The following IFI16 variants were observed in gnomAD, a reference collection of about 807,000 sequenced individuals.
IFI16 encodes the protein interferon gamma inducible protein 16, also known as gamma-interferon-inducible protein 16.
IFI16 carries 49 observed loss-of-function variants against 68.4 expected under a neutral mutation model. The observed-to-expected ratio is 0.72, with a 90% CI of 0.57 to 0.91. The LOEUF is 0.91. IFI16 is among the 40% of genes least tolerant of loss of function. IFI16 has a pLI of 0.00. For synonymous variants in IFI16, 307 were observed against 315.0 expected (o/e 0.97, Z 0.27); for missense variants, 878 against 942.9 (o/e 0.93, Z 0.90).
intron 3 of IFI16, 52 bp from the exon 4 acceptor site, chr1:159,016,481 C>T (rs1652930469): frequency 6.7e-7 from 1 of 1,483,696 alleles, no homozygotes; most frequent in South Asian, 1.2e-5. Context: ...AAAATGTGCT[C>T]TACTTCATTT....
intron 7 of IFI16, among the ~76,000 whole-genome samples, chr1:159,033,868 CCTCT>C (rs1021777328): frequency 1.9e-4 from 29 of 152,082 alleles, no homozygotes; most frequent in African/African-American, 6.3e-4. Flanking sequence ...CTTTCATTCG[CCTCT>C]CTAACAGAGT....
At chr1:159,001,173 A>T (rs1260069329), upstream of IFI16, among the ~76,000 whole-genome samples, 6 of 152,248 alleles carry the variant, frequency 3.9e-5, no homozygotes. Context: ...TGTACAGCCC[A>T]TGTGAAAAAT....
intron 7 of IFI16, among the ~76,000 whole-genome samples, chr1:159,038,272 C>T (rs1172083378): frequency 6.6e-6 from 1 of 152,054 alleles, no homozygotes; most frequent in Admixed American, 6.6e-5. Flanking sequence ...AGGTGCATAA[C>T]GGGCCTATAG....
intron 7 of IFI16, among the ~76,000 whole-genome samples, chr1:159,042,008 A>C (rs574321303): frequency 1.3e-5 from 2 of 152,262 alleles, no homozygotes; most frequent in East Asian, 3.9e-4. Context: ...CAATGTGTCC[A>C]TTTCTGTAGC....
rs146667620 is a variant in IFI16, at chr1:159,015,118, C to T, written c.265+173C>T. Among the ~76,000 whole-genome samples, 347 of 152,246 alleles carry T rather than the reference C, an allele frequency of 2.3e-3. 2 individuals are homozygous for T. Among genetic ancestry groups the T allele is most frequent in the African/African-American group, 7.9e-3 (330 of 41,540 alleles). ...AACAAGTTGACAACTTAGTGCATTC[C>T]ATTACTGGTGTAGATTGAAGTATTT... On this transcript the variant is annotated intron_variant, in intron 2 of 11. Transcript: ENST00000295809.
chr1:159,014,579 G>C (rs1252287169), intron 1 of IFI16, 82 bp from the exon 2 acceptor site: 1 of 843,592 alleles, frequency 1.2e-6, no homozygotes, highest in East Asian at 2.6e-5. Context: ...TCTTTCATAT[G>C]GGCCACTCAC....
chr1:159,023,499 C>A (rs1317287002), intron 6 of IFI16, among the ~76,000 whole-genome samples: 1 of 152,150 alleles, frequency 6.6e-6, no homozygotes, highest in Non-Finnish European at 1.5e-5. Flanking sequence ...TTAAACTCTG[C>A]AGCTATTTGA....
chr1:159,014,642 A>G lies in IFI16; in HGVS notation c.-20-19A>G. Reference sequence around the variant, plus strand: ...TCTGTATACATGTGTAACACTGTATATACCATTTTCTCTTGTAGGCTCACT... The same window carrying G: ...TCTGTATACATGTGTAACACTGTATGTACCATTTTCTCTTGTAGGCTCACT... On this transcript the variant is annotated intron_variant, in intron 1 of 11. Transcript: ENST00000295809. 1.3e-6 allele frequency: 2 copies of G among 1,524,688 alleles called. No individual in the cohort carries two copies. The highest frequency in any genetic ancestry group is 2.5e-5 in the South Asian group (2 of 79,072). 94.4% of individuals were successfully genotyped at this position (1,524,688 alleles called of 1,614,324 possible).
rs1487420648 is a variant in IFI16 at position 159,020,443 on chromosome 1, GGA to G, written c.1078_1079del (p.Asp360Ter). 7 of 1,613,308 alleles carry G rather than the reference GGA, an allele frequency of 4.3e-6. No individual in the cohort carries two copies. Among genetic ancestry groups the G allele is most frequent in the Non-Finnish European group, 5.9e-6 (7 of 1,179,364 alleles). On this transcript the variant is annotated frameshift_variant, in exon 6 of 12. Coordinates refer to ENST00000295809, the MANE Select transcript of IFI16 (RefSeq NM_001376587.1). LOFTEE classifies it high-confidence loss of function. ...GQCHNIPCEE[G>X]DKLQLFCFRL... Reference sequence around the variant, plus strand: ...ATGTCACAATATCCCCTGTGAAGAAGGAGATAAGCTCCAACTTTTCTGCTTTC... The same window carrying G: ...ATGTCACAATATCCCCTGTGAAGAAGGATAAGCTCCAACTTTTCTGCTTTC...
chr1:159,031,637 G>A (rs1408419736), intron 6 of IFI16, among the ~76,000 whole-genome samples: 3 of 152,186 alleles, frequency 2.0e-5, no homozygotes, highest in African/African-American at 4.8e-5. Flanking sequence ...ATGTTCATGG[G>A]TGGATGATCC....
At chr1:159,053,852 T>C in intron 11 of IFI16, 128 bp downstream of exon 11, 1 of 627,170 alleles carries the variant, frequency 1.6e-6, no homozygotes, top group Non-Finnish European at 2.7e-6. Context: ...TGCACTTTAC[T>C]GGGTGTAAAC....
intron 7 of IFI16, among the ~76,000 whole-genome samples, chr1:159,044,982 G>A (rs1413864708): frequency 6.6e-6 from 1 of 151,914 alleles, no homozygotes; most frequent in Non-Finnish European, 1.5e-5. Context: ...AAGCCATGCT[G>A]CCCCCAAAAT....
chr1:159,017,612 T>G (rs1211540244), intron 4 of IFI16, among the ~76,000 whole-genome samples: 1 of 151,316 alleles, frequency 6.6e-6, no homozygotes, highest in African/African-American at 2.4e-5. Flanking sequence ...TTTATTGTTG[T>G]TGTTGTTGTT....
chr1:159,015,618 A>G, intron 2 of IFI16: 2 of 317,380 alleles, frequency 6.3e-6, no homozygotes. Flanking sequence ...GAGAACAGGA[A>G]GCATGTGCTC....
At chr1:159,052,268 C>G (rs113358870) in intron 10 of IFI16, 170 bp downstream of exon 10, 1 of 591,294 alleles carries the variant, frequency 1.7e-6, no homozygotes, top group African/African-American at 1.9e-5. Flanking sequence ...ATATGGGGTA[C>G]GTTATATTGT....
intron 7 of IFI16, among the ~76,000 whole-genome samples, chr1:159,039,590 C>T (rs1245681528): frequency 3.9e-5 from 6 of 152,222 alleles, no homozygotes; most frequent in Middle Eastern, 3.4e-3. Context: ...GCAATCCTCC[C>T]GCCTCGGCCT....
intron 11 of IFI16, among the ~76,000 whole-genome samples, chr1:159,054,312 T>C (rs1422373558): frequency 1.3e-5 from 2 of 152,222 alleles, no homozygotes; most frequent in Non-Finnish European, 2.9e-5. Flanking sequence ...TGTGGGATTC[T>C]TGGAACACTA....
upstream of IFI16, among the ~76,000 whole-genome samples, chr1:159,001,576 C>T (rs1286328477): frequency 6.6e-6 from 1 of 152,118 alleles, no homozygotes; most frequent in Non-Finnish European, 1.5e-5. Context: ...GATTAAACTA[C>T]ATGAACGCCC....
chr1:159,004,120 T>C (rs1652165615), upstream of IFI16, among the ~76,000 whole-genome samples: 1 of 151,190 alleles, frequency 6.6e-6, no homozygotes. Flanking sequence ...CAAACACCAC[T>C]TCTCCATTAC....
Sources: allele counts gnomAD v4.1 joint callset (sites outside exome capture counted in the v4.1 genomes callset), GRCh38; gene constraint gnomAD v4.1.1; transcripts MANE v1.5; gene names NCBI Gene and HGNC (gene_info 2026-07-23, HGNC 2026-07-21).